The following CFAP47 variants were observed in gnomAD, a reference collection of about 807,000 sequenced individuals.
CFAP47 encodes cilia and flagella associated protein 47.
A neutral mutation model predicts 148.1 loss-of-function variants in CFAP47; 29 were observed. The observed-to-expected ratio is 0.20, with a 90% CI of 0.15 to 0.27. The LOEUF (loss-of-function observed/expected upper bound fraction) is 0.27, where lower values mean the gene tolerates loss of function less well. CFAP47 is among the 10% of genes least tolerant of loss of function. The probability of loss-of-function intolerance (pLI) is 1.00; values close to 1 mark genes in which losing one functional copy is unlikely to be tolerated. For synonymous variants in CFAP47, 664 were observed against 577.3 expected (o/e 1.15, Z -2.15); for missense variants, 1,872 against 1,697.5 (o/e 1.10, Z -1.81).
chrX:36,301,207 T>C, intron 53 of CFAP47, 28 bp downstream of exon 53: 8 of 857,019 alleles, frequency 9.3e-6, no homozygotes, highest in Non-Finnish European at 1.2e-5. Context: ...GATAAAGTTA[T>C]TGCTTGCAAG....
chrX:36,349,453 G>A (rs1556017103), intron 58 of CFAP47, among the ~76,000 whole-genome samples: 1 of 110,849 alleles, frequency 9.0e-6, no homozygotes, highest in Non-Finnish European at 1.9e-5. Context: ...AGTAGAGGTG[G>A]GTTTTCACCA....
chrX:36,372,820 C>T (rs928562792), intron 62 of CFAP47, among the ~76,000 whole-genome samples: 3 of 111,981 alleles, frequency 2.7e-5, no homozygotes, highest in Non-Finnish European at 5.6e-5. Flanking sequence ...ATTGAAGACA[C>T]TAACCTTTTA....
intron 51 of CFAP47, among the ~76,000 whole-genome samples, chrX:36,297,122 T>A (rs1245002454): frequency 2.7e-5 from 3 of 110,679 alleles, no homozygotes; most frequent in Non-Finnish European, 5.6e-5. Flanking sequence ...TGCTCTAATC[T>A]AATTGTTAAT....
intron 60 of CFAP47, among the ~76,000 whole-genome samples, chrX:36,357,856 C>T (rs1370787198): frequency 9.0e-6 from 1 of 111,596 alleles, no homozygotes; most frequent in Non-Finnish European, 1.9e-5. Context: ...AATTTTATTT[C>T]CCAATTGTTC....
At chrX:36,340,780 C>T (rs1556015598) in intron 57 of CFAP47, among the ~76,000 whole-genome samples, 1 of 110,556 alleles carries the variant, frequency 9.0e-6, no homozygotes, top group African/African-American at 3.3e-5. Flanking sequence ...CAGGATGCGA[C>T]TCTCCTTCAA....
chrX:36,294,041 G>A (rs782609612), intron 51 of CFAP47, among the ~76,000 whole-genome samples: 5 of 111,590 alleles, frequency 4.5e-5, no homozygotes, highest in South Asian at 3.9e-4. Flanking sequence ...AGGACCCAGA[G>A]CAAGAAACAT....
intron 33 of CFAP47, among the ~76,000 whole-genome samples, chrX:36,109,719 C>G (rs889022492): frequency 9.0e-6 from 1 of 111,479 alleles, no homozygotes; most frequent in Non-Finnish European, 1.9e-5. Context: ...CGTGATCCAC[C>G]CACATCGGCC....
chrX:36,200,528 G>A (rs1028673669), intron 43 of CFAP47, 35 bp downstream of exon 43: 1 of 294,132 alleles, frequency 3.4e-6, no homozygotes, highest in Non-Finnish European at 6.0e-6. Flanking sequence ...CATTTATAAT[G>A]TTGAAGAATG....
chrX:35,995,647 G>T (rs756764060), intron 18 of CFAP47, among the ~76,000 whole-genome samples: 10 of 111,360 alleles, frequency 9.0e-5, no homozygotes, highest in African/African-American at 3.3e-4. Context: ...GAAAACGTTT[G>T]CTTGAATTGG....
intron 62 of CFAP47, among the ~76,000 whole-genome samples, chrX:36,368,570 C>A (rs377510604): frequency 9.0e-6 from 1 of 111,070 alleles, no homozygotes; most frequent in Admixed American, 9.6e-5. Context: ...ACTATATGAC[C>A]TGGAATTTCT....
chrX:36,198,147 A>T (rs1939938913), intron 42 of CFAP47, among the ~76,000 whole-genome samples: 1 of 111,167 alleles, frequency 9.0e-6, no homozygotes, highest in African/African-American at 3.3e-5. Flanking sequence ...GCCCCAGGAG[A>T]TCCTGAGAAC....
chrX:36,008,798 T>A lies in CFAP47; in HGVS notation c.3418-5976T>A, dbSNP rs559039163. Among the ~76,000 whole-genome samples the A allele has an allele frequency of 1.4e-4, 16 of 110,547 alleles. No homozygotes were observed. The South Asian group carries it at 5.4e-3, about 37-fold the overall frequency. Reference sequence around the variant, plus strand: ...AGAATAAATAAATAAATAAATAAAATAAATAATTTTAAAAAGCCTGCTTCT... The same window carrying A: ...AGAATAAATAAATAAATAAATAAAAAAAATAATTTTAAAAAGCCTGCTTCT... On this transcript the variant is annotated intron_variant, in intron 21 of 63. Coordinates refer to ENST00000378653, the MANE Select transcript of CFAP47 (RefSeq NM_001304548.2).
chrX:36,316,471 A>G (rs1244109826), intron 56 of CFAP47, among the ~76,000 whole-genome samples: 1 of 112,300 alleles, frequency 8.9e-6, no homozygotes, highest in African/African-American at 3.2e-5. Context: ...AATCTTTTTA[A>G]GAATCAGCTG....
At chrX:36,234,628 C>G (rs1940426709) in intron 46 of CFAP47, among the ~76,000 whole-genome samples, 1 of 112,551 alleles carries the variant, frequency 8.9e-6, no homozygotes, top group Admixed American at 9.4e-5. Flanking sequence ...CAAAGTCATT[C>G]TCCATCCAGC....
chrX:36,196,986 C>T (rs1939926762), intron 42 of CFAP47, among the ~76,000 whole-genome samples: 1 of 110,970 alleles, frequency 9.0e-6, no homozygotes, highest in African/African-American at 3.3e-5. Context: ...AATTTTATTC[C>T]AAGAAAAAGT....
intron 45 of CFAP47, among the ~76,000 whole-genome samples, chrX:36,213,006 C>T (rs111395584): frequency 0.017 from 1,907 of 110,710 alleles, 39 homozygotes; most frequent in African/African-American, 0.057. Context: ...CTGGCTACTC[C>T]GGAGGCTGAA....
rs143717633 is a variant in CFAP47, at chrX:36,128,388, G to A, written c.5321-9570G>A. ...CTACACTGTAAGTGAATTGCTTTGC[G>A]TTGTTCTGCACTTTTTTATATTCTC... On this transcript the variant is annotated intron_variant, in intron 33 of 63. Coordinates refer to ENST00000378653, the MANE Select transcript of CFAP47 (RefSeq NM_001304548.2). Among the ~76,000 whole-genome samples the A allele has an allele frequency of 5.0e-3, 551 of 111,196 alleles. 1 individual carries two copies. The highest frequency in any genetic ancestry group is 8.3e-3 in the Admixed American group (86 of 10,369).
rs192898688 is a variant in CFAP47 at position 36,352,561 on chromosome X, T to C, written c.8699-968T>C. Among the ~76,000 whole-genome samples the C allele has an allele frequency of 4.3e-3, 474 of 110,902 alleles. 2 individuals carry two copies. Among genetic ancestry groups the C allele is most frequent in the Middle Eastern group, 9.4e-3 (2 of 213 alleles). The stretch of plus-strand genomic sequence containing the variant: ...ATAGCATAATACATTTCACAAGCTT[T>C]TTTATATTATGATTCTCCTTTTTCC... On this transcript the variant is annotated intron_variant, in intron 59 of 63. Transcript: ENST00000378653.
intron 33 of CFAP47, among the ~76,000 whole-genome samples, chrX:36,118,396 T>A (rs1938679072): frequency 8.9e-6 from 1 of 111,955 alleles, no homozygotes; most frequent in South Asian, 3.7e-4. Context: ...TCCATTTTTT[T>A]ATGTCATCTT....
Sources: gnomAD v4.1 joint callset for allele counts (sites outside exome capture counted in the v4.1 genomes callset) on GRCh38, gnomAD v4.1.1 for gene constraint, MANE v1.5 for transcripts, NCBI Gene and HGNC (gene_info 2026-07-23, HGNC 2026-07-21) for gene names.